The following ROBO2 variants were observed in gnomAD, a reference collection of about 807,000 sequenced individuals.
ROBO2 encodes the protein roundabout guidance receptor 2, also known as roundabout homolog 2.
Under a neutral mutation model 160.8 loss-of-function variants are expected in ROBO2, and 53 were observed. That is an observed-to-expected ratio of 0.33 (90% confidence interval 0.26 to 0.41). The LOEUF is 0.41. Among genes scored for constraint, ROBO2 ranks in the 10% least tolerant of loss-of-function variants. The probability of loss-of-function intolerance (pLI) is 1.00; values close to 1 mark genes in which losing one functional copy is unlikely to be tolerated. For synonymous variants in ROBO2, 664 were observed against 611.7 expected, an observed-to-expected ratio of 1.09 and a Z score of -1.26; for missense variants, 1,577 against 1,722.4, an observed-to-expected ratio of 0.92 and a Z score of 1.49.
chr3:76,801,656 T>G (rs1346142036), intron 2 of ROBO2, among the ~76,000 whole-genome samples: 2 of 152,146 alleles, frequency 1.3e-5, no homozygotes, highest in African/African-American at 4.8e-5. Context: ...GTATCAGCAA[T>G]GATGCCGTTT....
At chr3:76,535,034 G>A (rs1394615665) in intron 2 of ROBO2, among the ~76,000 whole-genome samples, 1 of 152,050 alleles carries the variant, frequency 6.6e-6, no homozygotes, top group Non-Finnish European at 1.5e-5. Context: ...GGACAGTCTG[G>A]GTGAGTTGCT....
intron 1 of ROBO2, among the ~76,000 whole-genome samples, chr3:77,076,286 C>G (rs1441032452): frequency 6.6e-6 from 1 of 151,924 alleles, no homozygotes; most frequent in Non-Finnish European, 1.5e-5. Flanking sequence ...CTGCTTTGTT[C>G]TATGAAGACT....
At chr3:77,196,334 T>A (rs1400624493) in intron 2 of ROBO2, among the ~76,000 whole-genome samples, 9 of 152,028 alleles carry the variant, frequency 5.9e-5, no homozygotes. Flanking sequence ...GCTTTTTTTT[T>A]TTTTTTTTAA....
chr3:76,633,076 C>A (rs911286841), intron 2 of ROBO2, among the ~76,000 whole-genome samples: 2 of 152,038 alleles, frequency 1.3e-5, no homozygotes, highest in South Asian at 2.1e-4. Context: ...TCTAATTAAA[C>A]CCATACTTTC....
At chr3:76,386,327 TTCCCTCCCTCCCTCCC>T (rs1179625016) in intron 2 of ROBO2, among the ~76,000 whole-genome samples, 14 of 122,778 alleles carry the variant, frequency 1.1e-4, no homozygotes, top group African/African-American at 2.7e-4. Context: ...CCTTCCCTCC[TTCCCTCCCTCCCTCCC>T]TCCCTCCCTC....
At chr3:77,228,646 G>A (rs1247506856) in intron 2 of ROBO2, among the ~76,000 whole-genome samples, 4 of 151,976 alleles carry the variant, frequency 2.6e-5, no homozygotes, top group East Asian at 1.9e-4. Context: ...TAGATGACCC[G>A]TTGATGGGTG....
intron 2 of ROBO2, among the ~76,000 whole-genome samples, chr3:76,688,569 C>CT (rs1473889544): frequency 1.3e-5 from 2 of 148,864 alleles, no homozygotes; most frequent in Non-Finnish European, 3.0e-5. Flanking sequence ...TAATGAAAGT[C>CT]TTTTTTTGTA....
At chr3:77,111,510 C>G (rs149447112) in intron 2 of ROBO2, among the ~76,000 whole-genome samples, 4 of 152,158 alleles carry the variant, frequency 2.6e-5, no homozygotes, top group African/African-American at 9.6e-5. Context: ...TTTTGAGTGT[C>G]CATGATCTGT....
rs1702604849 is a variant in ROBO2, at chr3:76,202,909, G to A, written c.109+265307G>A. The stretch of plus-strand genomic sequence containing the variant: ...CTCTGATATACCTTGGGCTCTCTAG[G>A]CAGAGTGACACTGTGTTCAGGTGTC... On this transcript the variant is annotated intron_variant, in intron 2 of 26. Coordinates refer to the ROBO2 transcript ENST00000487694. 2.6e-5 allele frequency among the ~76,000 whole-genome samples: 4 copies of A among 152,052 alleles called. No individual in the cohort carries two copies. The South Asian group carries it at 8.3e-4, about 32-fold the overall frequency.
At chr3:77,076,816 A>T (rs955937434) in intron 1 of ROBO2, among the ~76,000 whole-genome samples, 1 of 152,190 alleles carries the variant, frequency 6.6e-6, no homozygotes, top group African/African-American at 2.4e-5. Flanking sequence ...GTGTTTTTTT[A>T]AAAAATAAGT....
chr3:76,703,143 G>T (rs986488786), intron 2 of ROBO2, among the ~76,000 whole-genome samples: 1 of 152,100 alleles, frequency 6.6e-6, no homozygotes, highest in Non-Finnish European at 1.5e-5. Context: ...AATACAGGTA[G>T]TTGTTGCTTT....
At chr3:76,954,824 G>A (rs2079152510) in intron 2 of ROBO2, among the ~76,000 whole-genome samples, 1 of 152,138 alleles carries the variant, frequency 6.6e-6, no homozygotes, top group South Asian at 2.1e-4. Context: ...TTGCAATAAA[G>A]TCAGAAAGTA....
exon 8 of ROBO2, chr3:77,550,856 T>C (rs754757158): frequency 1.2e-6 from 2 of 1,613,056 alleles, no homozygotes; most frequent in South Asian, 2.2e-5. Context: ...AGCCCAACAG[T>C]AGATGCTCAG....
chr3:77,451,929 C>A (rs2081157210), intron 2 of ROBO2, among the ~76,000 whole-genome samples: 1 of 152,034 alleles, frequency 6.6e-6, no homozygotes, highest in Admixed American at 6.6e-5. Flanking sequence ...CCCCAACCAT[C>A]CCACAACAGG....
At chr3:76,912,499 A>G (rs1240047441) in intron 2 of ROBO2, among the ~76,000 whole-genome samples, 1 of 152,194 alleles carries the variant, frequency 6.6e-6, no homozygotes, top group Non-Finnish European at 1.5e-5. Context: ...TTGGTAAATA[A>G]AATATTTTAC....
At chr3:76,465,506 A>G (rs1042883949) in intron 2 of ROBO2, among the ~76,000 whole-genome samples, 2 of 151,998 alleles carry the variant, frequency 1.3e-5, no homozygotes, top group African/African-American at 4.8e-5. Context: ...GCACTGGATG[A>G]TTAATTCAGA....
At chr3:76,346,700 C>T (rs544533013) in intron 2 of ROBO2, among the ~76,000 whole-genome samples, 4 of 152,162 alleles carry the variant, frequency 2.6e-5, no homozygotes, top group Admixed American at 2.6e-4. Context: ...TTGTCGATAA[C>T]GTTTTCCAGT....
At chr3:77,551,158 A>C (rs1416393744) in intron 8 of ROBO2, among the ~76,000 whole-genome samples, 169 bp downstream of exon 9, 1 of 152,052 alleles carries the variant, frequency 6.6e-6, no homozygotes, top group African/African-American at 2.4e-5. Flanking sequence ...TCCCTGATTG[A>C]ATACCACTTA....
At chr3:76,103,649 C>A (rs1321200411) in intron 2 of ROBO2, among the ~76,000 whole-genome samples, 1 of 152,088 alleles carries the variant, frequency 6.6e-6, no homozygotes, top group Admixed American at 6.6e-5. Context: ...AGCTGGGAAG[C>A]TTAGGAGAAA....
Sources: gnomAD v4.1 joint callset for allele counts (sites outside exome capture counted in the v4.1 genomes callset) on GRCh38, gnomAD v4.1.1 for gene constraint, MANE v1.5 for transcripts, NCBI Gene and HGNC (gene_info 2026-07-23, HGNC 2026-07-21) for gene names.